The following EML4 variants were observed in gnomAD, a reference collection of about 807,000 sequenced individuals.
EML4 encodes the protein echinoderm microtubule-associated protein-like 4.
EML4 carries 72 observed loss-of-function variants against 129.0 expected under a neutral mutation model. The observed-to-expected ratio is 0.56, with a 90% CI of 0.46 to 0.68. The LOEUF is 0.68. EML4 is among the 30% of genes least tolerant of loss of function. EML4 has a pLI of 0.00. For missense variants in EML4, 1,363 were observed against 1,190.6 expected (o/e 1.14, Z -2.13); for synonymous variants, 532 against 405.0 (o/e 1.31, Z -3.77).
At position 42,329,866 on chromosome 2, in the gene EML4, T is replaced by C. The variant is rs775256923; in HGVS notation, c.2605T>C (p.Ser869Pro). 7 of 1,614,146 alleles carry C rather than the reference T, an allele frequency of 4.3e-6. No homozygotes were observed. The South Asian group carries it at 5.5e-5, about 13-fold the overall frequency. Residue 869 changes from serine to proline, a missense_variant, in exon 23 of 23, where the codon TCT (serine) becomes CCT (proline). By Grantham distance (74) the Ser-to-Pro change is moderately conservative. Transcript: ENST00000318522. Reference sequence around the variant, plus strand: ...TCAGTGGAAACTTGTGGAAAAGTTATCTTTGCCTCAGAATGAGACTGTAGC... The same window carrying C: ...TCAGTGGAAACTTGTGGAAAAGTTACCTTTGCCTCAGAATGAGACTGTAGC... ...IIQWKLVEKL[S>P]LPQNETVADT... is the part of the protein sequence containing the mutation.
chr2:42,187,933 G>T (rs1671356600), intron 1 of EML4, among the ~76,000 whole-genome samples: 1 of 152,044 alleles, frequency 6.6e-6, no homozygotes, highest in Non-Finnish European at 1.5e-5. Flanking sequence ...CTAACCCAGG[G>T]TCACAAAGAT....
intron 6 of EML4, among the ~76,000 whole-genome samples, chr2:42,272,782 A>C (rs564454438): frequency 2.9e-4 from 44 of 152,316 alleles, no homozygotes; most frequent in Non-Finnish European, 5.6e-4. Flanking sequence ...TCTCTAATGA[A>C]GTCATATACT....
At chr2:42,258,066 C>G (rs1242979914) in intron 3 of EML4, among the ~76,000 whole-genome samples, 2 of 152,138 alleles carry the variant, frequency 1.3e-5, no homozygotes, top group East Asian at 3.9e-4. Context: ...AGCTATTGCA[C>G]TGTTGCTTGT....
intron 1 of EML4, among the ~76,000 whole-genome samples, chr2:42,225,160 A>C (rs1673874843): frequency 6.6e-6 from 1 of 152,138 alleles, no homozygotes; most frequent in South Asian, 2.1e-4. Flanking sequence ...TCATGTGTTT[A>C]TGGACATATG....
At chr2:42,311,508 T>G (rs1668948250) in intron 17 of EML4, among the ~76,000 whole-genome samples, 1 of 151,806 alleles carries the variant, frequency 6.6e-6, no homozygotes, top group Non-Finnish European at 1.5e-5. Context: ...TAAACTGCAC[T>G]CCAGCCTGGG....
chr2:42,272,652 T>A (rs1572667103), intron 6 of EML4, among the ~76,000 whole-genome samples: 1 of 152,174 alleles, frequency 6.6e-6, no homozygotes, highest in Admixed American at 6.5e-5. Context: ...GACTGAAAAA[T>A]TTCTGGTTAA....
intron 1 of EML4, among the ~76,000 whole-genome samples, chr2:42,201,823 TG>T (rs149624935): frequency 0.023 from 3,563 of 152,276 alleles, 132 homozygotes; most frequent in African/African-American, 0.081. Context: ...GGCTCAGGCC[TG>T]TAATCCCAGC....
chr2:42,175,393 G>A (rs6759655), intron 1 of EML4, among the ~76,000 whole-genome samples: 3,594 of 152,282 alleles, frequency 0.024, 132 homozygotes, highest in African/African-American at 0.082. Context: ...CATTACAGAC[G>A]TGAGCCACCG....
chr2:42,255,120 C>G (rs572305768), intron 2 of EML4, among the ~76,000 whole-genome samples: 4 of 151,678 alleles, frequency 2.6e-5, no homozygotes, highest in Admixed American at 2.6e-4. Context: ...GAGTCTTGCT[C>G]TGTCGCCCAG....
At chr2:42,279,162 G>A (rs528590107) in intron 6 of EML4, among the ~76,000 whole-genome samples, 7 of 151,862 alleles carry the variant, frequency 4.6e-5, no homozygotes, top group Non-Finnish European at 5.9e-5. Flanking sequence ...GTGTGTGTGT[G>A]TATATATATA....
At chr2:42,270,586 C>A (rs1291660719) in intron 6 of EML4, among the ~76,000 whole-genome samples, 3 of 152,184 alleles carry the variant, frequency 2.0e-5, no homozygotes, top group Non-Finnish European at 4.4e-5. Context: ...AGCATTGTAT[C>A]TGAAAGAATA....
chr2:42,287,434 CTA>C (rs941095680), intron 10 of EML4, among the ~76,000 whole-genome samples: 12 of 152,138 alleles, frequency 7.9e-5, no homozygotes, highest in Admixed American at 3.3e-4. Flanking sequence ...CCTCATAACT[CTA>C]TCTTTTCTAA....
intron 20 of EML4, chr2:42,325,926 G>C (rs1215299968): frequency 5.8e-6 from 1 of 171,710 alleles, no homozygotes; most frequent in Admixed American, 6.6e-5. Flanking sequence ...ATGATAGATG[G>C]GCATTTATGC....
chr2:42,184,604 T>C (rs1375070283), intron 1 of EML4, among the ~76,000 whole-genome samples: 1 of 152,186 alleles, frequency 6.6e-6, no homozygotes, highest in African/African-American at 2.4e-5. Flanking sequence ...TTTTGTGAAC[T>C]GCTTTCTTCT....
At chr2:42,296,387 T>C (rs1394123998) in intron 13 of EML4, among the ~76,000 whole-genome samples, 1 of 152,154 alleles carries the variant, frequency 6.6e-6, no homozygotes, top group Non-Finnish European at 1.5e-5. Context: ...CTGAGTTTTC[T>C]GAGACATTTC....
intron 1 of EML4, among the ~76,000 whole-genome samples, chr2:42,200,379 AC>A (rs1225265409): frequency 6.6e-6 from 1 of 152,164 alleles, no homozygotes; most frequent in Non-Finnish European, 1.5e-5. Context: ...AAGAATTTCA[AC>A]AAAAATTATG....
intron 1 of EML4, among the ~76,000 whole-genome samples, chr2:42,229,338 C>A (rs981421550): frequency 6.6e-6 from 1 of 152,056 alleles, no homozygotes; most frequent in African/African-American, 2.4e-5. Context: ...AAGAAACTTG[C>A]CTGGGTATAT....
chr2:42,264,686 T>G lies in EML4; in HGVS notation c.642-20T>G. On this transcript the variant is annotated intron_variant, in intron 5 of 22. Transcript: ENST00000318522. ...ATATAAACTTATAAAATAAATGTGT[T>G]TCTTAAATTTCTTTTCTAGGCATAA... is the stretch of plus-strand genomic sequence containing the variant. 1 of 1,333,328 alleles carries G rather than the reference T, an allele frequency of 7.5e-7. No homozygotes were observed. Among genetic ancestry groups the G allele is most frequent in the East Asian group, 2.3e-5 (1 of 43,278 alleles). The allele number at this position is 1,333,328 out of a possible 1,614,324, so 82.6% of individuals were successfully genotyped here. A position where few individuals can be genotyped will look rare whatever the true frequency, so the allele number is the denominator to read the frequency against.
At chr2:42,321,003 G>C (rs112968725) in intron 19 of EML4, among the ~76,000 whole-genome samples, 1 of 152,094 alleles carries the variant, frequency 6.6e-6, no homozygotes. Flanking sequence ...TATCTACCTA[G>C]AAATCGCCAA....
Sources: allele counts gnomAD v4.1 joint callset (sites outside exome capture counted in the v4.1 genomes callset), GRCh38; gene constraint gnomAD v4.1.1; transcripts MANE v1.5; gene names NCBI Gene and HGNC (gene_info 2026-07-23, HGNC 2026-07-21).